Variants in FRAS1 observed in about 807,000 individuals in gnomAD.
FRAS1 encodes Fraser extracellular matrix complex subunit 1.
FRAS1 carries 290 observed loss-of-function variants against 435.2 expected under a neutral mutation model. The ratio of observed to expected loss-of-function variants is 0.67; its 90% confidence interval spans 0.61 to 0.73. The LOEUF is 0.73. FRAS1 is among the 30% of genes least tolerant of loss of function. The pLI, the probability that FRAS1 is intolerant of heterozygous loss-of-function variation, is 0.00. For synonymous variants in FRAS1, 1,800 were observed against 1,851.0 expected, an observed-to-expected ratio of 0.97 and a Z score of 0.71; for missense variants, 4,860 against 5,001.5, an observed-to-expected ratio of 0.97 and a Z score of 0.85.
At position 78,447,288 on chromosome 4, in the gene FRAS1, TA is replaced by T. The variant is rs3086830; in HGVS notation, c.6010+424del. 2.3e-3 allele frequency among the ~76,000 whole-genome samples: 252 copies of T among 109,004 alleles called. 2 individuals carry two copies. Among genetic ancestry groups the T allele is most frequent in the Middle Eastern group, 0.012 (3 of 250 alleles). 71.5% of individuals were successfully genotyped at this position (109,004 alleles called of 152,430 possible). ...TGTCTTTATGAACTTGTTCCTTTTG[TA>T]AAAAAAAAAAAAAAACACTTTTCCT... On this transcript the variant is annotated intron_variant, in intron 43 of 73. Transcript: ENST00000512123.
At chr4:78,518,450 ATATTTATTTATT>A (rs147999269) in intron 66 of FRAS1, among the ~76,000 whole-genome samples, 1,557 of 69,196 alleles carry the variant, frequency 0.023, 21 homozygotes, top group East Asian at 0.086. Flanking sequence ...ATATATATAT[ATATTTATTTATT>A]TATTTATTTG....
At chr4:78,178,969 A>C (rs1578169380) in intron 2 of FRAS1, among the ~76,000 whole-genome samples, 1 of 152,280 alleles carries the variant, frequency 6.6e-6, no homozygotes, top group East Asian at 1.9e-4. Flanking sequence ...GAGGGGAGCG[A>C]AGGGCAGCCA....
rs1254192090 is a variant in FRAS1, at chr4:78,315,602, C to G, written c.1687C>G (p.Gln563Glu). The change falls in exon 16 of 74, where the codon CAA becomes GAA. Residue 563 changes from glutamine to glutamate, a missense_variant. Transcript: ENST00000512123. ...NRQGTCSACD[Q>E]SCDSCGPSSP... ...TTTTTGCCTCCCCTTAGCTTGTGACCAATCCTGTGACAGTTGTGGCCCCAG... is the reference window on the plus strand; with the variant it reads ...TTTTTGCCTCCCCTTAGCTTGTGACGAATCCTGTGACAGTTGTGGCCCCAG... 26 of 1,610,148 alleles carry G rather than the reference C, an allele frequency of 1.6e-5. No homozygotes were observed. The highest frequency in any genetic ancestry group is 2.1e-5 in the Non-Finnish European group (25 of 1,177,930).
intron 35 of FRAS1, among the ~76,000 whole-genome samples, chr4:78,428,383 T>G (rs1184487329): frequency 6.6e-6 from 1 of 151,948 alleles, no homozygotes; most frequent in East Asian, 1.9e-4. Flanking sequence ...AGTGCAGTGG[T>G]GCAATCTCGG....
At chr4:78,328,257 A>G (rs993404552) in intron 18 of FRAS1, among the ~76,000 whole-genome samples, 1 of 152,220 alleles carries the variant, frequency 6.6e-6, no homozygotes, top group African/African-American at 2.4e-5. Flanking sequence ...TTGTACTCAT[A>G]ATGCACTAAT....
intron 6 of FRAS1, among the ~76,000 whole-genome samples, chr4:78,263,030 C>T (rs1182025157): frequency 6.6e-6 from 1 of 152,166 alleles, no homozygotes; most frequent in African/African-American, 2.4e-5. Context: ...TGGATTTAGC[C>T]CACAGACCAT....
At chr4:78,464,334 T>A in intron 48 of FRAS1, 109 bp from the exon 49 acceptor site, 1 of 1,488,854 alleles carries the variant, frequency 6.7e-7, no homozygotes, top group Non-Finnish European at 9.2e-7. Context: ...TCCTAATTAT[T>A]GACTTGTGCA....
chr4:78,137,919 A>C (rs893367782), intron 2 of FRAS1, among the ~76,000 whole-genome samples: 5 of 152,232 alleles, frequency 3.3e-5, no homozygotes, highest in Admixed American at 6.5e-5. Flanking sequence ...TGAAATGCTT[A>C]GTGCAGTGCC....
intron 38 of FRAS1, among the ~76,000 whole-genome samples, chr4:78,434,178 T>G (rs1365583171): frequency 6.6e-6 from 1 of 152,196 alleles, no homozygotes; most frequent in Admixed American, 6.5e-5. Context: ...TATAAAGGTT[T>G]AGGAACAGAT....
chr4:78,421,912 G>T lies in FRAS1; in HGVS notation c.4590G>T (p.Thr1530=). The change falls in exon 34 of 74, where the codon ACG becomes ACT. Residue 1530 remains threonine, a synonymous_variant. Coordinates refer to ENST00000512123, the MANE Select transcript of FRAS1 (RefSeq NM_025074.7). ...DHPHSPIRYF[T]QEDINQGKVM... ...CTCACTCTCCTATCCGGTATTTCAC[G>T]CAAGAGGATATTAACCAGGGCAAAG... 4 of 1,613,778 alleles carry T rather than the reference G, an allele frequency of 2.5e-6. No individual in the cohort carries two copies. Among genetic ancestry groups the T allele is most frequent in the Non-Finnish European group, 3.4e-6 (4 of 1,179,800 alleles).
At chr4:78,072,276 A>T (rs1290008097) in intron 2 of FRAS1, among the ~76,000 whole-genome samples, 1 of 152,192 alleles carries the variant, frequency 6.6e-6, no homozygotes, top group Non-Finnish European at 1.5e-5. Flanking sequence ...AGAGCTCTTC[A>T]ATGTTAGAGT....
rs1459242383 is a variant in FRAS1 at position 78,499,068 on chromosome 4, T to C, written c.9116-653T>C. ...CACTATGTTGCCCAGGTTGAATATA[T>C]TATTAATCATTTCCTGGCAACAGGA... On this transcript the variant is annotated intron_variant, in intron 60 of 73. Transcript: ENST00000512123. Among the ~76,000 whole-genome samples the C allele has an allele frequency of 2.0e-5, 3 of 152,094 alleles. No individual in the cohort carries two copies. In the East Asian group the frequency reaches 5.8e-4, roughly 29 times the overall value.
intron 35 of FRAS1, 47 bp from the exon 36 acceptor site, chr4:78,429,048 G>A (rs1245983269): frequency 2.2e-6 from 3 of 1,350,120 alleles, no homozygotes; most frequent in Non-Finnish European, 3.0e-6. Flanking sequence ...GCGTGTCTCT[G>A]TGTGTGTGTG....
chr4:78,133,118 G>A (rs1316536687), intron 2 of FRAS1, among the ~76,000 whole-genome samples: 1 of 152,200 alleles, frequency 6.6e-6, no homozygotes, highest in African/African-American at 2.4e-5. Flanking sequence ...AGCAATCTAA[G>A]TGTCCATCAA....
intron 2 of FRAS1, among the ~76,000 whole-genome samples, chr4:78,127,749 T>A (rs144424658): frequency 0.023 from 3,551 of 152,160 alleles, 93 homozygotes; most frequent in South Asian, 0.092. Flanking sequence ...TTTATTTTTT[T>A]AATTTTATTA....
rs181238526 is a variant in FRAS1 at position 78,290,485 on chromosome 4, C to T, written c.1534+3946C>T. Among the ~76,000 whole-genome samples, 406 of 150,156 alleles carry T rather than the reference C, an allele frequency of 2.7e-3. 2 individuals are homozygous for T. Among genetic ancestry groups the T allele is most frequent in the African/African-American group, 9.0e-3 (365 of 40,758 alleles). On this transcript the variant is annotated intron_variant, in intron 14 of 73. Coordinates refer to ENST00000512123, the MANE Select transcript of FRAS1 (RefSeq NM_025074.7). ...TCTTTTTTTTTTTTTGAGAGGGAGT[C>T]GCGCTCTGTCATCCAGGCTGGAGTA... is the stretch of plus-strand genomic sequence containing the variant.
intron 14 of FRAS1, among the ~76,000 whole-genome samples, chr4:78,305,571 G>A (rs1402120293): frequency 7.8e-6 from 1 of 127,876 alleles, no homozygotes; most frequent in Non-Finnish European, 1.7e-5. Context: ...ATATATTCAG[G>A]ATAGTTAGCT....
intron 33 of FRAS1, among the ~76,000 whole-genome samples, chr4:78,419,938 G>A (rs186327741): frequency 1.3e-5 from 2 of 152,200 alleles, no homozygotes; most frequent in Non-Finnish European, 2.9e-5. Flanking sequence ...GCACCCAGGG[G>A]GATGGTGTTA....
intron 2 of FRAS1, among the ~76,000 whole-genome samples, chr4:78,166,662 A>G (rs1721343488): frequency 6.6e-6 from 1 of 152,184 alleles, no homozygotes; most frequent in South Asian, 2.1e-4. Flanking sequence ...GTTCCTTTGA[A>G]TATAGCAAAT....
Sources: allele counts gnomAD v4.1 joint callset (sites outside exome capture counted in the v4.1 genomes callset), GRCh38; gene constraint gnomAD v4.1.1; transcripts MANE v1.5; gene names NCBI Gene and HGNC (gene_info 2026-07-23, HGNC 2026-07-21).